Variants in MSI2 observed in about 807,000 individuals in gnomAD.
The protein encoded by MSI2 is RNA-binding protein Musashi homolog 2.
Under a neutral mutation model 45.6 loss-of-function variants are expected in MSI2, and 17 were observed. That is an observed-to-expected ratio of 0.37 (90% CI 0.26 to 0.56). MSI2 has a LOEUF of 0.56. MSI2 is among the 20% of genes least tolerant of loss of function. MSI2 has a pLI of 0.77. For missense variants in MSI2, 293 were observed against 444.2 expected, an observed-to-expected ratio of 0.66 and a Z score of 3.06; for synonymous variants, 156 against 158.2, an observed-to-expected ratio of 0.99 and a Z score of 0.11.
At chr17:57,411,841 T>A (rs2084202599) in intron 6 of MSI2, among the ~76,000 whole-genome samples, 1 of 152,010 alleles carries the variant, frequency 6.6e-6, no homozygotes, top group South Asian at 2.1e-4. Flanking sequence ...ACCCTGTCTC[T>A]ACTAAAAATA....
At chr17:57,492,113 A>G (rs1234832520) in intron 6 of MSI2, among the ~76,000 whole-genome samples, 1 of 152,212 alleles carries the variant, frequency 6.6e-6, no homozygotes, top group Non-Finnish European at 1.5e-5. Flanking sequence ...CTGATTTATA[A>G]TGTACTGAAT....
At chr17:57,321,218 C>T (rs72830848) in intron 5 of MSI2, among the ~76,000 whole-genome samples, 5,279 of 152,022 alleles carry the variant, frequency 0.035, 126 homozygotes, top group Non-Finnish European at 0.053. Context: ...CTTATTCCAG[C>T]TTCTGAGACT....
chr17:57,333,321 CT>C (rs1960120374), intron 5 of MSI2, among the ~76,000 whole-genome samples: 1 of 152,180 alleles, frequency 6.6e-6, no homozygotes, highest in Non-Finnish European at 1.5e-5. Flanking sequence ...TTTTTCCCCC[CT>C]GGAAAGTTCC....
chr17:57,645,054 C>T (rs944857168), intron 10 of MSI2, among the ~76,000 whole-genome samples: 6 of 152,200 alleles, frequency 3.9e-5, no homozygotes, highest in African/African-American at 1.4e-4. Context: ...GGACAGAGGG[C>T]AATACCCTTT....
At chr17:57,538,017 T>C (rs1409187207) in intron 7 of MSI2, among the ~76,000 whole-genome samples, 3 of 152,104 alleles carry the variant, frequency 2.0e-5, no homozygotes. Context: ...GGTCAGCAAC[T>C]TCACTGACCC....
At chr17:57,481,664 A>G (rs1403565741) in intron 6 of MSI2, among the ~76,000 whole-genome samples, 1 of 152,216 alleles carries the variant, frequency 6.6e-6, no homozygotes, top group Non-Finnish European at 1.5e-5. Context: ...TCATTTGAAA[A>G]TGTAAAGCTT....
chr17:57,287,652 C>G (rs965303635), intron 5 of MSI2, among the ~76,000 whole-genome samples: 1 of 152,170 alleles, frequency 6.6e-6, no homozygotes, highest in African/African-American at 2.4e-5. Context: ...TCGGCTCCTA[C>G]GTGGGGCATT....
intron 7 of MSI2, among the ~76,000 whole-genome samples, chr17:57,592,874 A>T (rs1263539847): frequency 6.6e-6 from 1 of 152,098 alleles, no homozygotes; most frequent in Admixed American, 6.5e-5. Flanking sequence ...CTGAATTACC[A>T]TTCAGGGTAT....
chr17:57,487,183 T>C (rs2085771804), intron 6 of MSI2, among the ~76,000 whole-genome samples: 1 of 152,196 alleles, frequency 6.6e-6, no homozygotes, highest in Non-Finnish European at 1.5e-5. Context: ...AGACCAGTAC[T>C]GTGCTCTGTG....
chr17:57,441,072 G>A (rs925064456), intron 6 of MSI2, among the ~76,000 whole-genome samples: 4 of 152,162 alleles, frequency 2.6e-5, no homozygotes, highest in African/African-American at 9.7e-5. Context: ...TTCAGGCAGC[G>A]CTTTGTAGGA....
rs114899098 is a variant in MSI2, at chr17:57,328,389, A to G, written c.312+66197A>G. On this transcript the variant is annotated intron_variant, in intron 5 of 13. Transcript: ENST00000284073. Reference sequence around the variant, plus strand: ...CAATCCATCCATCCTTCATCCATCAATCCATCCATCTTGTCCCCCATCTGG... The same window carrying G: ...CAATCCATCCATCCTTCATCCATCAGTCCATCCATCTTGTCCCCCATCTGG... Among the ~76,000 whole-genome samples, 199 of 152,140 alleles carry G rather than the reference A, an allele frequency of 1.3e-3. 1 individual carries two copies. The highest frequency in any genetic ancestry group is 4.6e-3 in the African/African-American group (192 of 41,516).
At chr17:57,325,419 C>A (rs527828942) in intron 5 of MSI2, among the ~76,000 whole-genome samples, 108 of 152,332 alleles carry the variant, frequency 7.1e-4, no homozygotes, top group African/African-American at 2.5e-3. Flanking sequence ...ATCCATGCAA[C>A]TGAAAACCAC....
chr17:57,358,665 A>G (rs1351065957), intron 5 of MSI2, among the ~76,000 whole-genome samples: 1 of 152,160 alleles, frequency 6.6e-6, no homozygotes, highest in East Asian at 1.9e-4. Flanking sequence ...TAAAAGAGGG[A>G]AGGTCACACA....
intron 7 of MSI2, among the ~76,000 whole-genome samples, chr17:57,563,746 G>GCGCGCACACACACACA (rs534460755): frequency 1.4e-5 from 2 of 139,294 alleles, no homozygotes; most frequent in African/African-American, 5.4e-5. Flanking sequence ...ACACAGGCGC[G>GCGCGCACACACACACA]CACACACACA....
At chr17:57,517,217 G>A (rs899839806) in intron 6 of MSI2, among the ~76,000 whole-genome samples, 1 of 152,196 alleles carries the variant, frequency 6.6e-6, no homozygotes, top group Admixed American at 6.5e-5. Flanking sequence ...GGGACTCTAG[G>A]GATGACTTTA....
intron 5 of MSI2, 181 bp downstream of exon 5, chr17:57,262,373 C>A: frequency 1.8e-6 from 1 of 545,944 alleles, no homozygotes; most frequent in Non-Finnish European, 3.1e-6. Flanking sequence ...TTAGCCATCC[C>A]AAGGTGGCTT....
chr17:57,298,168 G>A (rs1911146937), intron 5 of MSI2, among the ~76,000 whole-genome samples: 1 of 151,986 alleles, frequency 6.6e-6, no homozygotes, highest in Admixed American at 6.6e-5. Flanking sequence ...CACTATCCAT[G>A]ACAGGCATAG....
intron 6 of MSI2, among the ~76,000 whole-genome samples, chr17:57,505,096 G>A (rs976565943): frequency 1.3e-5 from 2 of 152,150 alleles, no homozygotes; most frequent in South Asian, 4.1e-4. Flanking sequence ...AATGGAGTCT[G>A]GGGGAAGGTG....
At chr17:57,485,409 T>C (rs983846596) in intron 6 of MSI2, among the ~76,000 whole-genome samples, 11 of 152,230 alleles carry the variant, frequency 7.2e-5, no homozygotes, top group Non-Finnish European at 1.5e-4. Flanking sequence ...TGTTGTTTAA[T>C]GTTTCTCATT....
Sources: gnomAD v4.1 joint callset for allele counts (sites outside exome capture counted in the v4.1 genomes callset) on GRCh38, gnomAD v4.1.1 for gene constraint, MANE v1.5 for transcripts, NCBI Gene and HGNC (gene_info 2026-07-23, HGNC 2026-07-21) for gene names.